The following MOCOS variants were observed in gnomAD, a reference collection of about 807,000 sequenced individuals.
MOCOS encodes human molybdenum cofactor sulfurase.
In MOCOS, 86 loss-of-function variants were observed where a neutral mutation model predicts 83.6. The ratio of observed to expected loss-of-function variants is 1.03; its 90% confidence interval spans 0.86 to 1.23. The LOEUF is 1.23. Ranked by LOEUF, MOCOS falls within the 50% of genes most tolerant of loss-of-function variation. The pLI is 0.00. For synonymous variants in MOCOS, 445 were observed against 434.7 expected, an observed-to-expected ratio of 1.02 and a Z score of -0.29; for missense variants, 1,120 against 1,126.9, an observed-to-expected ratio of 0.99 and a Z score of 0.09.
chr18:36,210,850 C>CAAAAAAAAAAAAAAAAAAAAAAAAAAA (rs60856965), intron 6 of MOCOS, among the ~76,000 whole-genome samples: 14 of 48,064 alleles, frequency 2.9e-4, no homozygotes, highest in Admixed American at 3.1e-4. Context: ...GACTCTGTCT[C>CAAAAAAAAAAAAAAAAAAAAAAAAAAA]AAAAAAAAAA....
intron 2 of MOCOS, 35 bp downstream of exon 2, chr18:36,195,381 C>T: frequency 6.6e-7 from 1 of 1,520,736 alleles, no homozygotes; most frequent in Non-Finnish European, 9.1e-7. Flanking sequence ...TTTTAGTCAA[C>T]TACATGCAGC....
chr18:36,208,502 G>C (rs1259848402), intron 6 of MOCOS, among the ~76,000 whole-genome samples: 1 of 152,014 alleles, frequency 6.6e-6, no homozygotes, highest in African/African-American at 2.4e-5. Context: ...TCTCATTGTA[G>C]ATATCCCCCC....
chr18:36,224,484 T>C (rs961569520), intron 9 of MOCOS, among the ~76,000 whole-genome samples: 1 of 152,186 alleles, frequency 6.6e-6, no homozygotes, highest in Non-Finnish European at 1.5e-5. Flanking sequence ...TTATTAAGTT[T>C]TTATTATGAG....
In MOCOS at chr18:36,214,269, A is replaced by AAAAAG. The variant is rs2091467411; in HGVS notation, c.1335+791_1335+792insGAAAA. Among the ~76,000 whole-genome samples, 3 of 8,848 alleles carry AAAAAG rather than the reference A, an allele frequency of 3.4e-4. No individual in the cohort carries two copies. The Non-Finnish European group carries it at 4.3e-3, about 13-fold the overall frequency. The allele number at this position is 8,848 out of a possible 152,430, so 5.8% of individuals were successfully genotyped here. A position where few individuals can be genotyped will look rare whatever the true frequency, so the allele number is the denominator to read the frequency against. On this transcript the variant is annotated intron_variant, in intron 7 of 14. Transcript: ENST00000261326. ...CAAAAAAAAAAAAAAAAAAGAAAAG[A>AAAAAG]AAAAAAAGAAAATGCTTCAAGATAT...
rs1457032909 is a variant in MOCOS, at chr18:36,270,327, A to C, written c.*1642A>C. 2.0e-5 allele frequency: 3 copies of C among 152,252 alleles called. No homozygotes were observed. The highest frequency in any genetic ancestry group is 1.9e-4 in the East Asian group (1 of 5,200). The allele number at this position is 152,252 out of a possible 1,614,324, so 9.4% of individuals were successfully genotyped here. On this transcript the variant is annotated 3_prime_UTR_variant, in exon 15 of 15. Coordinates refer to ENST00000261326, the MANE Select transcript of MOCOS (RefSeq NM_017947.4). Reference sequence around the variant, plus strand: ...AGTTTCATGCAGGAGGGAACTTTCCAGATGGCACATTGCCCCATTTCCAAG... The same window carrying C: ...AGTTTCATGCAGGAGGGAACTTTCCCGATGGCACATTGCCCCATTTCCAAG...
rs141486383 is a variant in MOCOS at position 36,261,584 on chromosome 18, G to T, written c.2409+1409G>T. ...TTTATTAAAGAATTTTAGAGATCTG[G>T]GGTATAGGAAATAAATTGCATGGCA... is the stretch of plus-strand genomic sequence containing the variant. On this transcript the variant is annotated intron_variant, in intron 13 of 14. Transcript: ENST00000261326. Among the ~76,000 whole-genome samples, 63 of 152,202 alleles carry T rather than the reference G, an allele frequency of 4.1e-4. 2 individuals carry two copies. In the East Asian group the frequency reaches 0.011, roughly 28 times the overall value.
At chr18:36,267,225 C>G (rs979259186) in intron 14 of MOCOS, among the ~76,000 whole-genome samples, 2 of 152,158 alleles carry the variant, frequency 1.3e-5, no homozygotes, top group South Asian at 4.1e-4. Context: ...CAGTACATTT[C>G]ATTAAACTGG....
At chr18:36,216,003 A>C (rs747724869) in intron 8 of MOCOS, 26 bp downstream of exon 8, 1 of 1,592,186 alleles carries the variant, frequency 6.3e-7, no homozygotes, top group Non-Finnish European at 8.6e-7. Context: ...GCAGCACAGA[A>C]AGTCTTCTCT....
intron 12 of MOCOS, among the ~76,000 whole-genome samples, chr18:36,259,757 C>T (rs1448671320): frequency 6.6e-6 from 1 of 152,140 alleles, no homozygotes; most frequent in Non-Finnish European, 1.5e-5. Context: ...TTCCAAAGTC[C>T]TTCATCTCTT....
At chr18:36,227,426 C>G (rs534960008) in intron 9 of MOCOS, among the ~76,000 whole-genome samples, 3 of 150,006 alleles carry the variant, frequency 2.0e-5, no homozygotes, top group Non-Finnish European at 3.0e-5. Flanking sequence ...GATGGGGTCT[C>G]GCTCTGTCAC....
At chr18:36,255,520 T>C (rs1215228536) in intron 11 of MOCOS, among the ~76,000 whole-genome samples, 1 of 152,206 alleles carries the variant, frequency 6.6e-6, no homozygotes, top group East Asian at 1.9e-4. Context: ...TGTTGGTCCC[T>C]GAGGGAGTGT....
intron 9 of MOCOS, among the ~76,000 whole-genome samples, chr18:36,240,132 G>A (rs2091575417): frequency 7.4e-6 from 1 of 135,552 alleles, no homozygotes; most frequent in African/African-American, 2.9e-5. Flanking sequence ...TCTTCTCTCA[G>A]CTCGTCAAAG....
chr18:36,193,836 G>A (rs1157423194), intron 1 of MOCOS, among the ~76,000 whole-genome samples: 3 of 152,068 alleles, frequency 2.0e-5, no homozygotes, highest in Non-Finnish European at 1.5e-5. Flanking sequence ...ACAAAAACTT[G>A]TACACCAGTA....
rs779418477 is a variant in MOCOS, at chr18:36,260,111, A to G, written c.2345A>G (p.Asn782Ser). Residue 782 changes from asparagine to serine, a missense_variant, in exon 13 of 15, where the codon AAT becomes AGT. Coordinates refer to ENST00000261326, the MANE Select transcript of MOCOS (RefSeq NM_017947.4). ...CGTTTTCGTGCCAATATTATTATCA[A>G]TGGAAAAAGGGCTTTTGAAGAAGAG... ...SLRFRANIIINGKRAFEEEKW... is the reference protein window; with the variant it reads ...SLRFRANIIISGKRAFEEEKW... The G allele has an allele frequency of 8.1e-6, 13 of 1,614,110 alleles. No homozygotes were observed. The highest frequency in any genetic ancestry group is 4.4e-5 in the South Asian group (4 of 91,084).
chr18:36,266,963 C>A, intron 14 of MOCOS, 110 bp downstream of exon 14: 1 of 925,294 alleles, frequency 1.1e-6, no homozygotes, highest in Non-Finnish European at 1.7e-6. Context: ...GGATTTGCTG[C>A]CCATCCAAAG....
In MOCOS at chr18:36,198,810, T is replaced by C. The variant is rs1055974783; in HGVS notation, c.299+54T>C. ...GGCATACCTAGGCAGACAGACTTCC[T>C]TCCTAGGACTTGCCTGCATCCCACA... On this transcript the variant is annotated intron_variant, in intron 3 of 14. Transcript: ENST00000261326. 20 of 1,579,112 alleles carry C rather than the reference T, an allele frequency of 1.3e-5. No homozygotes were observed. The African/African-American group carries it at 2.3e-4, about 18-fold the overall frequency.
intron 9 of MOCOS, among the ~76,000 whole-genome samples, chr18:36,228,433 A>ATGCCCATCAATAG (rs1164920777): frequency 2.0e-5 from 3 of 152,240 alleles, no homozygotes; most frequent in African/African-American, 7.2e-5. Flanking sequence ...ATCAACTTAA[A>ATGCCCATCAATAG]TGCCCATCAA....
chr18:36,203,350 A>G (rs2091421836), intron 5 of MOCOS, among the ~76,000 whole-genome samples, 161 bp downstream of exon 5: 1 of 152,218 alleles, frequency 6.6e-6, no homozygotes, highest in Non-Finnish European at 1.5e-5. Context: ...CACTTCAGAG[A>G]GCAAGAGAAT....
intron 6 of MOCOS, among the ~76,000 whole-genome samples, chr18:36,209,695 T>C (rs1291546531): frequency 1.3e-5 from 2 of 152,242 alleles, no homozygotes; most frequent in African/African-American, 4.8e-5. Flanking sequence ...CTGAGTAGTA[T>C]TCCATGTTGT....
Sources: allele counts gnomAD v4.1 joint callset (sites outside exome capture counted in the v4.1 genomes callset), GRCh38; gene constraint gnomAD v4.1.1; transcripts MANE v1.5; gene names NCBI Gene and HGNC (gene_info 2026-07-23, HGNC 2026-07-21).